The following SPMAP2L variants were observed in gnomAD, a reference collection of about 807,000 sequenced individuals.
SPMAP2L encodes the protein sperm microtubule associated protein 2 like.
chr4:56,607,411 G>T, the SPMAP2L span, among the ~76,000 whole-genome samples: 1 of 152,166 alleles, frequency 6.6e-6, no homozygotes, highest in South Asian at 2.1e-4. Flanking sequence ...TTATAAATTA[G>T]CCAGTGTTTG....
chr4:56,555,912 C>A, the SPMAP2L span, among the ~76,000 whole-genome samples: 32 of 152,200 alleles, frequency 2.1e-4, no homozygotes, highest in African/African-American at 7.7e-4. Context: ...GGAACACACA[C>A]ATATTTATTG....
the SPMAP2L span, among the ~76,000 whole-genome samples, chr4:56,587,525 G>A: frequency 7.5e-5 from 11 of 146,466 alleles, no homozygotes; most frequent in Non-Finnish European, 1.0e-4. Flanking sequence ...ATGCCTTTGC[G>A]TCCTCATAGC....
chr4:56,577,525 G>T, the SPMAP2L span, among the ~76,000 whole-genome samples: 1 of 152,088 alleles, frequency 6.6e-6, no homozygotes, highest in Non-Finnish European at 1.5e-5. Flanking sequence ...GGTGGAGGTT[G>T]CAGTGAGCAG....
At chr4:56,583,715 C>T in the SPMAP2L span, among the ~76,000 whole-genome samples, 2 of 151,794 alleles carry the variant, frequency 1.3e-5, no homozygotes, top group African/African-American at 4.8e-5. Flanking sequence ...GCAGAGGGGC[C>T]CTCAGTGGTG....
At chr4:56,571,142 A>T in the SPMAP2L span, among the ~76,000 whole-genome samples, 4 of 151,528 alleles carry the variant, frequency 2.6e-5, no homozygotes, top group Non-Finnish European at 5.9e-5. Flanking sequence ...AAAAAAACAA[A>T]AAACCTTTTT....
the SPMAP2L span, among the ~76,000 whole-genome samples, chr4:56,607,578 T>C: frequency 1.3e-5 from 2 of 152,208 alleles, no homozygotes; most frequent in Non-Finnish European, 2.9e-5. Flanking sequence ...AAAGCCTGTG[T>C]TGCCATGAAT....
chr4:56,546,859 G>A, the SPMAP2L span, among the ~76,000 whole-genome samples: 9 of 152,150 alleles, frequency 5.9e-5, no homozygotes, highest in Non-Finnish European at 1.3e-4. Flanking sequence ...CAGCACGGCT[G>A]GCTGTGAGGG....
At chr4:56,590,578 T>C in the SPMAP2L span, among the ~76,000 whole-genome samples, 1,004 of 152,320 alleles carry the variant, frequency 6.6e-3, 12 homozygotes, top group African/African-American at 0.023. Flanking sequence ...ATCCTCCTGC[T>C]TCAGCCTCAC....
chr4:56,605,133 G>C, the SPMAP2L span, among the ~76,000 whole-genome samples: 4 of 152,114 alleles, frequency 2.6e-5, no homozygotes, highest in Admixed American at 6.5e-5. Context: ...AAAACTACCT[G>C]TACCCCCAAA....
the SPMAP2L span, among the ~76,000 whole-genome samples, chr4:56,555,282 A>G: frequency 6.6e-6 from 1 of 152,014 alleles, no homozygotes; most frequent in African/African-American, 2.4e-5. Flanking sequence ...TACTTTGGCT[A>G]TATTTGTGTG....
the SPMAP2L span, among the ~76,000 whole-genome samples, chr4:56,591,962 T>A: frequency 0.15 from 23,405 of 152,116 alleles, 2,277 homozygotes; most frequent in African/African-American, 0.27. Context: ...CAAAGCTAAG[T>A]CACCCTTTAT....
chr4:56,604,994 G>T, the SPMAP2L span, among the ~76,000 whole-genome samples: 1 of 152,196 alleles, frequency 6.6e-6, no homozygotes, highest in Non-Finnish European at 1.5e-5. Flanking sequence ...GGACTTTGGG[G>T]ACTCAGAGGG....
chr4:56,560,137 A>G, the SPMAP2L span, among the ~76,000 whole-genome samples: 9 of 152,314 alleles, frequency 5.9e-5, no homozygotes, highest in African/African-American at 2.2e-4. Context: ...TCTCTTCAAG[A>G]TATCTTTGAA....
At chr4:56,591,392 G>A in the SPMAP2L span, among the ~76,000 whole-genome samples, 1 of 152,178 alleles carries the variant, frequency 6.6e-6, no homozygotes, top group South Asian at 2.1e-4. Context: ...ATCTCAGGTA[G>A]GTCTTTATAG....
the SPMAP2L span, among the ~76,000 whole-genome samples, chr4:56,538,033 G>C: frequency 6.6e-6 from 1 of 152,182 alleles, no homozygotes. Flanking sequence ...AAGTCTGCCT[G>C]TGTCTACTCT....
the SPMAP2L span, among the ~76,000 whole-genome samples, chr4:56,548,126 C>T: frequency 6.6e-6 from 1 of 152,162 alleles, no homozygotes; most frequent in Non-Finnish European, 1.5e-5. Flanking sequence ...TCATCTTACC[C>T]TTCCAACATC....
chr4:56,531,117 C>T, the SPMAP2L span: 1 of 1,535,434 alleles, frequency 6.5e-7, no homozygotes, highest in Non-Finnish European at 8.7e-7. Flanking sequence ...TAATGATCTC[C>T]CCCTCTCTGA....
chr4:56,554,693 T>C, the SPMAP2L span, among the ~76,000 whole-genome samples: 1 of 151,450 alleles, frequency 6.6e-6, no homozygotes, highest in Non-Finnish European at 1.5e-5. Flanking sequence ...ATTTTTTCTT[T>C]TGTGAATCAT....
chr4:56,553,034 T>C, the SPMAP2L span, among the ~76,000 whole-genome samples: 1 of 152,104 alleles, frequency 6.6e-6, no homozygotes, highest in African/African-American at 2.4e-5. Flanking sequence ...CTAATCCTGA[T>C]ACCTCTAAGC....
Sources: gnomAD v4.1 joint callset for allele counts (sites outside exome capture counted in the v4.1 genomes callset) on GRCh38, gnomAD v4.1.1 for gene constraint, MANE v1.5 for transcripts, NCBI Gene and HGNC (gene_info 2026-07-23, HGNC 2026-07-21) for gene names.